The following NSUN6 variants were observed in gnomAD, a reference collection of about 807,000 sequenced individuals.
The protein encoded by NSUN6 is tRNA (cytosine(72)-C(5))-methyltransferase NSUN6.
Under a neutral mutation model 58.0 loss-of-function variants are expected in NSUN6, and 64 were observed. That is an observed-to-expected ratio of 1.10 (90% confidence interval 0.90 to 1.36). The LOEUF (loss-of-function observed/expected upper bound fraction) is 1.36, where lower values mean the gene tolerates loss of function less well. Among genes scored for constraint, NSUN6 ranks in the 40% most tolerant of loss-of-function variants. NSUN6 has a pLI of 0.00. For synonymous variants in NSUN6, 231 were observed against 193.9 expected, an observed-to-expected ratio of 1.19 and a Z score of -1.59; for missense variants, 701 against 550.1, an observed-to-expected ratio of 1.27 and a Z score of -2.74.
chr10:18,620,876 T>C (rs61840850), intron 3 of NSUN6, among the ~76,000 whole-genome samples: 14,420 of 152,188 alleles, frequency 0.095, 791 homozygotes, highest in South Asian at 0.15. Flanking sequence ...CAAAAACATG[T>C]TTTGTGGAAG....
chr10:18,579,913 G>T (rs1186053371), intron 8 of NSUN6, among the ~76,000 whole-genome samples: 1 of 152,154 alleles, frequency 6.6e-6, no homozygotes, highest in Non-Finnish European at 1.5e-5. Context: ...ACTTTGAAAA[G>T]AATGGGAAGC....
intron 8 of NSUN6, among the ~76,000 whole-genome samples, chr10:18,565,590 C>A (rs2055866860): frequency 6.6e-6 from 1 of 151,054 alleles, no homozygotes; most frequent in Admixed American, 6.6e-5. Context: ...ATTCAGCACT[C>A]TATTCCATTC....
upstream of NSUN6, among the ~76,000 whole-genome samples, chr10:18,657,055 T>G (rs190351070): frequency 1.6e-4 from 25 of 152,272 alleles, no homozygotes; most frequent in African/African-American, 6.0e-4. Flanking sequence ...CTAAAATTCC[T>G]GGGCTCAAGT....
At chr10:18,640,883 A>T (rs999504232) in intron 3 of NSUN6, among the ~76,000 whole-genome samples, 2 of 151,902 alleles carry the variant, frequency 1.3e-5, no homozygotes, top group South Asian at 4.1e-4. Flanking sequence ...CAAAAATATT[A>T]CACATGAAAA....
At chr10:18,604,388 A>C (rs1454500906) in intron 6 of NSUN6, among the ~76,000 whole-genome samples, 1 of 152,200 alleles carries the variant, frequency 6.6e-6, no homozygotes, top group African/African-American at 2.4e-5. Context: ...TAAAATGTGA[A>C]GGGATGCTCT....
rs372676582 is a variant in NSUN6, at chr10:18,625,710, GT to G, written c.312-9418del. Among the ~76,000 whole-genome samples, 48 of 62,178 alleles carry G rather than the reference GT, an allele frequency of 7.7e-4. 1 individual carries two copies. The highest frequency in any genetic ancestry group is 1.0e-3 in the African/African-American group (16 of 15,414). The allele number at this position is 62,178 out of a possible 152,430, so 40.8% of individuals were successfully genotyped here. A position where few individuals can be genotyped will look rare whatever the true frequency, so the allele number is the denominator to read the frequency against. ...CCTGGGTGACAGAGTGAGACTATGT[GT>G]TTTTTTTTTAAAAAAAAAAAAAAAA... On this transcript the variant is annotated intron_variant, in intron 3 of 10. Transcript: ENST00000377304.
At chr10:18,655,512 G>C (rs1220431289), upstream of NSUN6, among the ~76,000 whole-genome samples, 3 of 152,200 alleles carry the variant, frequency 2.0e-5, no homozygotes, top group African/African-American at 7.2e-5. Flanking sequence ...ATAGGATAGT[G>C]AAACGTCATT....
At position 18,557,706 on chromosome 10, in the gene NSUN6, AAATGGAATGGAGAATGG is replaced by A. The variant is rs781020440; in HGVS notation, c.923-5752_923-5736del. On this transcript the variant is annotated intron_variant, in intron 8 of 10. Transcript: ENST00000377304. ...ATGGAATGGAATGGAAAGCGGAATG[AAATGGAATGGAGAATGG>A]AATGGAATGGAGAATGAACTGGAAT... 3.0e-3 allele frequency among the ~76,000 whole-genome samples: 433 copies of A among 145,266 alleles called. 2 individuals are homozygous for A. Among genetic ancestry groups the A allele is most frequent in the Non-Finnish European group, 4.6e-3 (304 of 65,770 alleles).
intron 6 of NSUN6, among the ~76,000 whole-genome samples, chr10:18,609,410 G>C (rs754356029): frequency 6.6e-6 from 1 of 152,026 alleles, no homozygotes; most frequent in Admixed American, 6.6e-5. Flanking sequence ...CAGTTACCAG[G>C]AGTGTGACAT....
At chr10:18,551,292 G>GTGTGTGTGTGTGT (rs34031704) in intron 9 of NSUN6, among the ~76,000 whole-genome samples, 29 of 144,966 alleles carry the variant, frequency 2.0e-4, no homozygotes, top group South Asian at 8.8e-4. Flanking sequence ...GTGTGTGTGT[G>GTGTGTGTGTGTGT]GTAAAATATA....
intron 8 of NSUN6, among the ~76,000 whole-genome samples, chr10:18,559,785 T>C: frequency 7.1e-6 from 1 of 141,470 alleles, no homozygotes; most frequent in East Asian, 2.5e-4. Context: ...CAGAATGGAA[T>C]GGAAGCGAAT....
chr10:18,615,283 G>A (rs1419282467), intron 4 of NSUN6, among the ~76,000 whole-genome samples: 1 of 151,974 alleles, frequency 6.6e-6, no homozygotes, highest in Admixed American at 6.6e-5. Flanking sequence ...TTTATAATTG[G>A]AAATTATATT....
chr10:18,605,409 T>A (rs1044432256), intron 6 of NSUN6, among the ~76,000 whole-genome samples: 1 of 152,154 alleles, frequency 6.6e-6, no homozygotes, highest in African/African-American at 2.4e-5. Flanking sequence ...TCCTCTTATA[T>A]TGAAGTGCCC....
Position 18,628,386 on chromosome 10 carries a change from T to C in NSUN6, c.312-12093A>G, listed in dbSNP as rs1454245577. On this transcript the variant is annotated intron_variant, in intron 3 of 10. Transcript: ENST00000377304. ...AAGGAATACAGTTCCTCACCAGCAATGGAACAAAGCTGGATGGAGAATGAC... is the reference window on the plus strand; with the variant it reads ...AAGGAATACAGTTCCTCACCAGCAACGGAACAAAGCTGGATGGAGAATGAC... Among the ~76,000 whole-genome samples, 14 of 152,050 alleles carry C rather than the reference T, an allele frequency of 9.2e-5. No homozygotes were observed. The South Asian group carries it at 1.2e-3, about 14-fold the overall frequency.
intron 3 of NSUN6, among the ~76,000 whole-genome samples, chr10:18,619,939 A>G (rs922843928): frequency 6.6e-6 from 1 of 152,176 alleles, no homozygotes; most frequent in Non-Finnish European, 1.5e-5. Context: ...GATGCAATAT[A>G]TTATAAAACA....
intron 3 of NSUN6, among the ~76,000 whole-genome samples, chr10:18,621,769 G>C (rs1173239827): frequency 6.6e-6 from 1 of 152,186 alleles, no homozygotes; most frequent in East Asian, 1.9e-4. Context: ...TTATGGGAAT[G>C]TCCTGTTAAG....
chr10:18,552,349 A>C (rs1296996350), intron 8 of NSUN6, among the ~76,000 whole-genome samples: 1 of 151,192 alleles, frequency 6.6e-6, no homozygotes, highest in Non-Finnish European at 1.5e-5. Context: ...CCCCAAGAAA[A>C]TGCCTGTTTG....
upstream of NSUN6, chr10:18,652,801 C>G (rs1456246849): frequency 4.8e-6 from 3 of 629,834 alleles, no homozygotes; most frequent in African/African-American, 4.0e-5. Flanking sequence ...TTCAACTGAT[C>G]TGACTCTCTA....
chr10:18,657,459 A>T (rs891928928), upstream of NSUN6, among the ~76,000 whole-genome samples: 4 of 152,164 alleles, frequency 2.6e-5, no homozygotes, highest in African/African-American at 9.6e-5. Context: ...AACAAAACCA[A>T]TAAAAATATC....
Sources: allele counts gnomAD v4.1 joint callset (sites outside exome capture counted in the v4.1 genomes callset), GRCh38; gene constraint gnomAD v4.1.1; transcripts MANE v1.5; gene names NCBI Gene and HGNC (gene_info 2026-07-23, HGNC 2026-07-21).